Variants in ASPH observed in about 807,000 individuals in gnomAD.
ASPH encodes the protein aspartyl/asparaginyl beta-hydroxylase.
Under a neutral mutation model 118.4 loss-of-function variants are expected in ASPH, and 100 were observed. That is an observed-to-expected ratio of 0.84 (90% CI 0.72 to 1.00). The LOEUF is 1.00. Among genes scored for constraint, ASPH ranks in the 50% least tolerant of loss-of-function variants. The probability of loss-of-function intolerance (pLI) is 0.00; values close to 1 mark genes in which losing one functional copy is unlikely to be tolerated. For missense variants in ASPH, 920 were observed against 919.5 expected (o/e 1.00, Z -0.01); for synonymous variants, 315 against 325.6 (o/e 0.97, Z 0.35).
At chr8:61,600,419 T>C (rs768222137) in intron 14 of ASPH, among the ~76,000 whole-genome samples, 93 of 150,524 alleles carry the variant, frequency 6.2e-4, no homozygotes, top group Admixed American at 2.0e-3. Context: ...TCACCCAAAT[T>C]GGAAAAGAGG....
chr8:61,545,620 G>C (rs1488318004), intron 21 of ASPH, among the ~76,000 whole-genome samples: 1 of 152,170 alleles, frequency 6.6e-6, no homozygotes, highest in Non-Finnish European at 1.5e-5. Flanking sequence ...AGATTTCTTA[G>C]AAAATGAATG....
At chr8:61,607,581 C>T (rs1047180594) in intron 14 of ASPH, among the ~76,000 whole-genome samples, 1 of 151,632 alleles carries the variant, frequency 6.6e-6, no homozygotes, top group Non-Finnish European at 1.5e-5. Flanking sequence ...ACTGTTATGC[C>T]CTCAGTAATG....
intron 14 of ASPH, among the ~76,000 whole-genome samples, chr8:61,593,267 C>T (rs1841671829): frequency 1.3e-5 from 2 of 152,106 alleles, no homozygotes; most frequent in South Asian, 2.1e-4. Context: ...AAAAATAGCC[C>T]CTTCTGAGGC....
intron 13 of ASPH, among the ~76,000 whole-genome samples, chr8:61,631,366 C>T (rs942166085): frequency 2.0e-5 from 3 of 152,120 alleles, no homozygotes; most frequent in African/African-American, 7.2e-5. Flanking sequence ...ATGAAGTGCC[C>T]TATACAGGTA....
chr8:61,515,014 G>A (rs1013838778), intron 24 of ASPH, among the ~76,000 whole-genome samples: 12 of 149,754 alleles, frequency 8.0e-5, no homozygotes, highest in South Asian at 4.3e-4. Flanking sequence ...CAGGCAGAAA[G>A]GAAAGAAGGG....
intron 22 of ASPH, among the ~76,000 whole-genome samples, chr8:61,518,555 A>G (rs1044521155): frequency 6.6e-6 from 1 of 152,208 alleles, no homozygotes; most frequent in African/African-American, 2.4e-5. Context: ...GTTGATTAAC[A>G]TATTTTGTAT....
intron 1 of ASPH, among the ~76,000 whole-genome samples, chr8:61,687,886 C>T (rs1400854999): frequency 6.6e-6 from 1 of 152,118 alleles, no homozygotes; most frequent in East Asian, 1.9e-4. Context: ...GTATTATTAA[C>T]CTTATTACTG....
At chr8:61,526,159 G>A (rs1815235758) in intron 21 of ASPH, 47 bp from the exon 22 acceptor site, 2 of 1,609,976 alleles carry the variant, frequency 1.2e-6, no homozygotes, top group Non-Finnish European at 1.7e-6. Flanking sequence ...GGGCCTGGTG[G>A]AGCACCTCAT....
chr8:61,644,051 T>C (rs746504535), intron 7 of ASPH, 50 bp from the exon 8 acceptor site: 22 of 1,377,304 alleles, frequency 1.6e-5, no homozygotes, highest in Admixed American at 5.6e-5. Context: ...AAGGAATACA[T>C]GTAATATTCG....
intron 10 of ASPH, among the ~76,000 whole-genome samples, chr8:61,640,191 T>C (rs987757452): frequency 1.3e-5 from 2 of 152,110 alleles, no homozygotes; most frequent in Non-Finnish European, 2.9e-5. Flanking sequence ...CTCATCTCCT[T>C]TGGTTCCTTC....
At chr8:61,654,388 G>T (rs1456455665) in intron 3 of ASPH, among the ~76,000 whole-genome samples, 1 of 152,088 alleles carries the variant, frequency 6.6e-6, no homozygotes, top group African/African-American at 2.4e-5. Flanking sequence ...CAAGTATTTA[G>T]AAAACAGCTA....
At chr8:61,688,840 T>G (rs1441269214) in intron 1 of ASPH, among the ~76,000 whole-genome samples, 1 of 152,210 alleles carries the variant, frequency 6.6e-6, no homozygotes, top group Non-Finnish European at 1.5e-5. Flanking sequence ...ATATCTCATA[T>G]TCTTCTTCAT....
intron 24 of ASPH, among the ~76,000 whole-genome samples, chr8:61,506,275 T>C (rs570389568): frequency 6.6e-6 from 1 of 152,264 alleles, no homozygotes; most frequent in Admixed American, 6.5e-5. Context: ...AGACTAGTAG[T>C]TAAATTCACA....
chr8:61,668,266 C>T (rs1230907827), intron 3 of ASPH: 2 of 1,605,520 alleles, frequency 1.2e-6, no homozygotes, highest in African/African-American at 1.3e-5. Flanking sequence ...GGCTACCCCA[C>T]TGGGTCCTTC....
At chr8:61,561,883 T>C (rs7819628) in intron 18 of ASPH, among the ~76,000 whole-genome samples, 123,016 of 152,178 alleles carry the variant, frequency 0.81, 50,086 homozygotes, top group Non-Finnish European at 0.85. Flanking sequence ...AGCTATATCA[T>C]GTCATTACAC....
chr8:61,640,048 C>T (rs1278569563), intron 10 of ASPH, among the ~76,000 whole-genome samples: 1 of 152,194 alleles, frequency 6.6e-6, no homozygotes, highest in East Asian at 1.9e-4. Context: ...TCTGTCCTAT[C>T]CGTCCACTGA....
intron 3 of ASPH, among the ~76,000 whole-genome samples, chr8:61,673,952 T>C (rs1007470373): frequency 2.0e-5 from 3 of 152,166 alleles, no homozygotes; most frequent in South Asian, 2.1e-4. Flanking sequence ...ACAAAATAAG[T>C]AGCAAATTTT....
intron 3 of ASPH, chr8:61,675,845 T>G: frequency 2.2e-6 from 3 of 1,333,352 alleles, no homozygotes; most frequent in Non-Finnish European, 2.9e-6. Flanking sequence ...GTGTACTTTG[T>G]AGCTGACTAC....
intron 14 of ASPH, among the ~76,000 whole-genome samples, chr8:61,618,228 C>T (rs868731752): frequency 6.6e-5 from 10 of 152,070 alleles, no homozygotes; most frequent in East Asian, 1.9e-4. Flanking sequence ...ATCTTATGCA[C>T]GTTATGTACA....
Sources: allele counts gnomAD v4.1 joint callset (sites outside exome capture counted in the v4.1 genomes callset), GRCh38; gene constraint gnomAD v4.1.1; transcripts MANE v1.5; gene names NCBI Gene and HGNC (gene_info 2026-07-23, HGNC 2026-07-21).